PLXDC2: variants seen among roughly 807,000 people sequenced by gnomAD.
PLXDC2 encodes the protein plexin domain containing 2.
Under a neutral mutation model 68.9 loss-of-function variants are expected in PLXDC2, and 40 were observed. The ratio of observed to expected loss-of-function variants is 0.58; its 90% CI spans 0.45 to 0.76. The LOEUF is 0.76. PLXDC2 is among the 30% of genes least tolerant of loss of function. The pLI is 0.00. For missense variants in PLXDC2, 644 were observed against 661.9 expected, an observed-to-expected ratio of 0.97 and a Z score of 0.30; for synonymous variants, 243 against 234.2, an observed-to-expected ratio of 1.04 and a Z score of -0.34.
chr10:20,257,343 G>A (rs896516555), intron 13 of PLXDC2, among the ~76,000 whole-genome samples: 4 of 152,168 alleles, frequency 2.6e-5, no homozygotes, highest in Admixed American at 6.5e-5. Context: ...TATTGTATAT[G>A]TTTCATGAAG....
chr10:20,020,491 C>T (rs148246543), intron 2 of PLXDC2, among the ~76,000 whole-genome samples: 98 of 152,006 alleles, frequency 6.4e-4, no homozygotes, highest in Admixed American at 4.9e-3. Context: ...TTCATATGGA[C>T]TCCTTCTGGT....
At chr10:19,945,006 C>T (rs1429616222) in intron 1 of PLXDC2, among the ~76,000 whole-genome samples, 2 of 152,124 alleles carry the variant, frequency 1.3e-5, no homozygotes, top group African/African-American at 4.8e-5. Flanking sequence ...TACTGCTTTC[C>T]GTTTGCCTTG....
chr10:19,944,357 T>G (rs1589549270), intron 1 of PLXDC2, among the ~76,000 whole-genome samples: 1 of 152,060 alleles, frequency 6.6e-6, no homozygotes, highest in East Asian at 1.9e-4. Context: ...CCAGATATTA[T>G]ATATTTGGAA....
At chr10:20,182,071 T>TGTG (rs1554772998) in intron 9 of PLXDC2, among the ~76,000 whole-genome samples, 28 of 146,564 alleles carry the variant, frequency 1.9e-4, no homozygotes, top group South Asian at 1.7e-3. Flanking sequence ...AACCGGTTAT[T>TGTG]TGTGTGTGTG....
At chr10:20,077,204 G>A (rs1353840269) in intron 4 of PLXDC2, among the ~76,000 whole-genome samples, 1 of 152,094 alleles carries the variant, frequency 6.6e-6, no homozygotes, top group Non-Finnish European at 1.5e-5. Flanking sequence ...ATTAAAAAAT[G>A]TATTAAAGAT....
chr10:20,061,348 A>T (rs1263656791), intron 3 of PLXDC2, among the ~76,000 whole-genome samples: 2 of 152,152 alleles, frequency 1.3e-5, no homozygotes, highest in African/African-American at 4.8e-5. Flanking sequence ...ATTCTGTACA[A>T]TGTCCCTGAT....
chr10:19,817,418 T>A (rs1157354358), intron 1 of PLXDC2, among the ~76,000 whole-genome samples: 5 of 152,166 alleles, frequency 3.3e-5, no homozygotes, highest in Admixed American at 6.5e-5. Flanking sequence ...TTACTTCACC[T>A]GGGCGGCAGG....
chr10:20,151,634 G>A (rs1027519003), intron 6 of PLXDC2, among the ~76,000 whole-genome samples: 9 of 152,018 alleles, frequency 5.9e-5, no homozygotes, highest in African/African-American at 9.7e-5. Context: ...TCCAATAAGC[G>A]TTTCTTAATA....
chr10:20,109,314 A>G (rs1834120624), intron 4 of PLXDC2, among the ~76,000 whole-genome samples: 1 of 152,178 alleles, frequency 6.6e-6, no homozygotes, highest in Non-Finnish European at 1.5e-5. Flanking sequence ...GTTATAAGGC[A>G]TTATTTTTAT....
intron 1 of PLXDC2, among the ~76,000 whole-genome samples, chr10:19,869,483 AGGGTGG>A (rs1564614476): frequency 1.2e-4 from 1 of 8,324 alleles, no homozygotes; most frequent in African/African-American, 5.0e-4. Context: ...GGGGGGGGAG[AGGGTGG>A]GAGGGAGGGA....
chr10:19,916,134 TTG>T lies in PLXDC2; in HGVS notation c.113-85639_113-85638del, dbSNP rs200060397. ...TATGTGGAGGGAGTTGTGTTTTGTT[TTG>T]TTTTTTTTTTTTAATGGAGTCTCAC... On this transcript the variant is annotated intron_variant, in intron 1 of 13. Transcript: ENST00000377252. 5.9e-3 allele frequency among the ~76,000 whole-genome samples: 792 copies of T among 134,934 alleles called. 11 individuals carry two copies. Among genetic ancestry groups the T allele is most frequent in the African/African-American group, 0.023 (706 of 31,268 alleles). The allele number at this position is 134,934 out of a possible 152,430, so 88.5% of individuals were successfully genotyped here.
intron 12 of PLXDC2, among the ~76,000 whole-genome samples, chr10:20,232,889 T>C (rs1835384002): frequency 6.6e-6 from 1 of 152,152 alleles, no homozygotes; most frequent in South Asian, 2.1e-4. Flanking sequence ...ATTTGGCCTC[T>C]GTAAAAGTAA....
At chr10:20,198,625 T>A (rs1173066975) in intron 9 of PLXDC2, among the ~76,000 whole-genome samples, 1 of 152,134 alleles carries the variant, frequency 6.6e-6, no homozygotes, top group Non-Finnish European at 1.5e-5. Flanking sequence ...ATAGCTGACT[T>A]TGTATTAATG....
chr10:20,072,026 G>A (rs1240061275), intron 4 of PLXDC2, among the ~76,000 whole-genome samples: 1 of 152,034 alleles, frequency 6.6e-6, no homozygotes, highest in Admixed American at 6.6e-5. Flanking sequence ...AAGGGGAGTT[G>A]GGAAGAATGT....
intron 1 of PLXDC2, among the ~76,000 whole-genome samples, chr10:19,899,309 A>C (rs2131366125): frequency 6.6e-6 from 1 of 152,344 alleles, no homozygotes; most frequent in South Asian, 2.1e-4. Flanking sequence ...TTAAGGAATA[A>C]GAATAAGTTA....
At chr10:19,910,259 T>C (rs1833242557) in intron 1 of PLXDC2, among the ~76,000 whole-genome samples, 1 of 151,862 alleles carries the variant, frequency 6.6e-6, no homozygotes, top group Admixed American at 6.6e-5. Context: ...AAATGTTCAT[T>C]GTCCAGGGAG....
At position 20,217,506 on chromosome 10, in the gene PLXDC2, C is replaced by A; in HGVS notation, c.1203C>A (p.Thr401=). 1 of 1,612,868 alleles carries A rather than the reference C, an allele frequency of 6.2e-7. No individual in the cohort carries two copies. The highest frequency in any genetic ancestry group is 2.2e-5 in the East Asian group (1 of 44,784). Residue 401 remains threonine (T), a synonymous_variant, in exon 11 of 14, where the codon ACC becomes ACA. Coordinates refer to ENST00000377252, the MANE Select transcript of PLXDC2 (RefSeq NM_032812.9). Reference sequence around the variant, plus strand: ...CCACAACCGTAGGAGCGACAACCACCCAGTTCAGGGTCCTAACTACCACCA... The same window carrying A: ...CCACAACCGTAGGAGCGACAACCACACAGTTCAGGGTCCTAACTACCACCA... ...RTTTTVGATT[T]QFRVLTTTRR... is the part of the protein sequence containing the mutation.
intron 4 of PLXDC2, among the ~76,000 whole-genome samples, chr10:20,081,485 C>T (rs1240441838): frequency 6.6e-6 from 1 of 152,006 alleles, no homozygotes; most frequent in Non-Finnish European, 1.5e-5. Context: ...AAGTTGTAAC[C>T]TCCATGTACT....
chr10:20,213,875 C>A (rs1446085643), intron 10 of PLXDC2, among the ~76,000 whole-genome samples: 3 of 152,104 alleles, frequency 2.0e-5, no homozygotes, highest in Non-Finnish European at 4.4e-5. Flanking sequence ...CACCTTCTGA[C>A]TTCTTTGAAA....
Sources: allele counts gnomAD v4.1 joint callset (sites outside exome capture counted in the v4.1 genomes callset), GRCh38; gene constraint gnomAD v4.1.1; transcripts MANE v1.5; gene names NCBI Gene and HGNC (gene_info 2026-07-23, HGNC 2026-07-21).